RRM1: variants seen among roughly 807,000 people sequenced by gnomAD.
RRM1 encodes the protein ribonucleotide reductase catalytic subunit M1.
A neutral mutation model predicts 101.5 loss-of-function variants in RRM1; 19 were observed. The ratio of observed to expected loss-of-function variants is 0.19; its 90% CI spans 0.13 to 0.27. The LOEUF (loss-of-function observed/expected upper bound fraction) is 0.27, where lower values mean the gene tolerates loss of function less well. RRM1 is among the 10% of genes least tolerant of loss of function. RRM1 has a pLI of 1.00. For missense variants in RRM1, 500 were observed against 962.9 expected, an observed-to-expected ratio of 0.52 and a Z score of 6.36; for synonymous variants, 298 against 323.4, an observed-to-expected ratio of 0.92 and a Z score of 0.84.
intron 8 of RRM1, chr11:4,119,349 T>G: frequency 5.8e-6 from 1 of 172,778 alleles, no homozygotes; most frequent in Non-Finnish European, 1.2e-5. Flanking sequence ...GTCGTAGGAG[T>G]CTCTATTTTC....
intron 18 of RRM1, among the ~76,000 whole-genome samples, chr11:4,136,810 C>T (rs935003727): frequency 1.3e-5 from 2 of 151,420 alleles, no homozygotes; most frequent in African/African-American, 4.9e-5. Flanking sequence ...TTGGGTGTTT[C>T]TCACAGAGGG....
At chr11:4,114,956 G>A (rs371890742) in intron 7 of RRM1, among the ~76,000 whole-genome samples, 3 of 152,180 alleles carry the variant, frequency 2.0e-5, no homozygotes, top group South Asian at 2.1e-4. Context: ...TGAGTGATCC[G>A]TCTTCCTTGG....
At position 4,095,265 on chromosome 11, in the gene RRM1, C is replaced by T. The variant is rs189476413; in HGVS notation, c.19+234C>T. ...TCGGCTTTGTCATCCTGCCGCCTTT[C>T]AAAAGGATAACACTTACCCCGTATC... On this transcript the variant is annotated intron_variant, in intron 1 of 18. Transcript: ENST00000300738. Among the ~76,000 whole-genome samples, 9 of 152,374 alleles carry T rather than the reference C, an allele frequency of 5.9e-5. No individual in the cohort carries two copies. The East Asian group carries it at 1.5e-3, about 26-fold the overall frequency.
Position 4,116,682 on chromosome 11 carries a change from A to T in RRM1, c.651-1638A>T, listed in dbSNP as rs539442798. ...TGTTAACTATTGAGAGATTATAAGA[A>T]AAACAAGGCCAGGTGCAGTGGCTTC... On this transcript the variant is annotated intron_variant, in intron 7 of 18. Transcript: ENST00000300738. 9.2e-5 allele frequency among the ~76,000 whole-genome samples: 14 copies of T among 152,324 alleles called. No homozygotes were observed. The South Asian group carries it at 2.9e-3, about 32-fold the overall frequency.
chr11:4,121,798 T>A (rs2094582248), intron 10 of RRM1, 33 bp downstream of exon 10: 1 of 1,552,838 alleles, frequency 6.4e-7, no homozygotes, highest in East Asian at 2.3e-5. Flanking sequence ...TAATAGCAAC[T>A]TGATTCACAT....
chr11:4,127,297 G>A (rs1353337683), intron 14 of RRM1, 41 bp downstream of exon 14: 2 of 1,318,910 alleles, frequency 1.5e-6, no homozygotes, highest in Non-Finnish European at 2.1e-6. Flanking sequence ...GTGAGTACCT[G>A]TAGTGGGCTG....
chr11:4,115,507 CAAAAA>C (rs1217828429), intron 7 of RRM1, among the ~76,000 whole-genome samples: 1 of 105,230 alleles, frequency 9.5e-6, no homozygotes, highest in Non-Finnish European at 2.1e-5. Flanking sequence ...GGGAGCACTC[CAAAAA>C]AAAAAAAAAA....
At chr11:4,112,783 G>C (rs1362724520) in intron 7 of RRM1, among the ~76,000 whole-genome samples, 3 of 152,152 alleles carry the variant, frequency 2.0e-5, no homozygotes, top group Admixed American at 1.3e-4. Flanking sequence ...GGTGAAAGTA[G>C]AAATTGACAG....
rs1163290047 is a variant in RRM1, at chr11:4,124,924, T to TA, written c.1320+1540_1320+1541insA. 4.1e-3 allele frequency among the ~76,000 whole-genome samples: 514 copies of TA among 124,430 alleles called. 1 individual carries two copies. Among genetic ancestry groups the TA allele is most frequent in the African/African-American group, 0.012 (481 of 38,680 alleles). 81.6% of individuals were successfully genotyped at this position (124,430 alleles called of 152,430 possible). A position where few individuals can be genotyped will look rare whatever the true frequency, so the allele number is the denominator to read the frequency against. On this transcript the variant is annotated intron_variant, in intron 12 of 18. Coordinates refer to ENST00000300738, the MANE Select transcript of RRM1 (RefSeq NM_001033.5). Reference sequence around the variant, plus strand: ...ATTGTAGTATTTATTTATTTTATTTTTTTTTTTTTGAGACAGAGTCTTGCT... The same window carrying TA: ...ATTGTAGTATTTATTTATTTTATTTTATTTTTTTTTGAGACAGAGTCTTGCT...
intron 7 of RRM1, among the ~76,000 whole-genome samples, chr11:4,113,857 T>TG (rs2094568802): frequency 6.6e-6 from 1 of 152,214 alleles, no homozygotes; most frequent in South Asian, 2.1e-4. Flanking sequence ...CCAGGCGTGG[T>TG]GGCTCACGCC....
At position 4,094,893 on chromosome 11, in the gene RRM1, C is replaced by CT; in HGVS notation, c.-117dup. 1 of 1,068,700 alleles carries CT rather than the reference C, an allele frequency of 9.4e-7. No individual in the cohort carries two copies. The highest frequency in any genetic ancestry group is 1.4e-5 in the South Asian group (1 of 73,806). 66.2% of individuals were successfully genotyped at this position (1,068,700 alleles called of 1,614,324 possible). A position where few individuals can be genotyped will look rare whatever the true frequency, so the allele number is the denominator to read the frequency against. ...GTGCTGTCTGGCTCCAACTCCAGTTCTTTCCCCTGAGCAGCGCCTGGAACC... is the reference window on the plus strand; with the variant it reads ...GTGCTGTCTGGCTCCAACTCCAGTTCTTTTCCCCTGAGCAGCGCCTGGAACC... On this transcript the variant is annotated 5_prime_UTR_variant, in exon 1 of 19. Transcript: ENST00000300738.
intron 7 of RRM1, among the ~76,000 whole-genome samples, chr11:4,114,620 G>A (rs7930667): frequency 2.7e-4 from 41 of 151,384 alleles, no homozygotes; most frequent in African/African-American, 8.2e-4. Flanking sequence ...CAAACATTGT[G>A]CACACTAAAT....
rs149476630 is a variant in RRM1 at position 4,131,224 on chromosome 11, A to G, written c.1770-1062A>G. ...GAGTAAAGGGAGAAAAGCCCCTTAT[A>G]AAACCAGATCTTGTGAGAACTCACT... On this transcript the variant is annotated intron_variant, in intron 15 of 18. Coordinates refer to ENST00000300738, the MANE Select transcript of RRM1 (RefSeq NM_001033.5). Among the ~76,000 whole-genome samples the G allele has an allele frequency of 7.9e-3, 1,208 of 152,326 alleles. 9 individuals carry two copies. The highest frequency in any genetic ancestry group is 0.014 in the Non-Finnish European group (946 of 68,030).
At chr11:4,118,503 T>C (rs1337362553) in intron 8 of RRM1, 42 bp downstream of exon 8, 3 of 1,610,628 alleles carry the variant, frequency 1.9e-6, no homozygotes, top group Admixed American at 1.7e-5. Context: ...GATTCAAGTC[T>C]AAAAGCAAAC....
At chr11:4,122,341 T>C in intron 11 of RRM1, 121 bp downstream of exon 11, 1 of 702,796 alleles carries the variant, frequency 1.4e-6, no homozygotes, top group Non-Finnish European at 2.2e-6. Context: ...AAAAAGTGAC[T>C]AATAATTTTG....
At position 4,107,534 on chromosome 11, in the gene RRM1, A is replaced by T; in HGVS notation, c.386A>T (p.Asp129Val). 1 of 1,600,866 alleles carries T rather than the reference A, an allele frequency of 6.2e-7. No homozygotes were observed. The highest frequency in any genetic ancestry group is 8.6e-7 in the Non-Finnish European group (1 of 1,168,216). Residue 129 changes from aspartate to valine, a missense_variant and splice_region_variant, in exon 4 of 19, where the codon GAT (aspartate) becomes GTT (valine). Transcript: ENST00000300738. ...STLDIVLANKDRLNSAIIYDR... is the reference protein window; with the variant it reads ...STLDIVLANKVRLNSAIIYDR... ...TTGGATATTGTTCTGGCCAATAAAGATGTATGTATAACACTTATCTGGTGG... is the reference window on the plus strand; with the variant it reads ...TTGGATATTGTTCTGGCCAATAAAGTTGTATGTATAACACTTATCTGGTGG...
In RRM1 at chr11:4,094,951, C is replaced by T; in HGVS notation, c.-62C>T. ...TCCCACTCTGTCACCTTCTCGATCC[C>T]GCCGGCGCTTTAGAGCCGCAGTCCA... is the stretch of plus-strand genomic sequence containing the variant. On this transcript the variant is annotated 5_prime_UTR_variant, in exon 1 of 19. Transcript: ENST00000300738. 6.5e-7 allele frequency: 1 copy of T among 1,544,834 alleles called. No homozygotes were observed. The highest frequency in any genetic ancestry group is 8.8e-7 in the Non-Finnish European group (1 of 1,140,830).
At chr11:4,127,335 C>A in intron 14 of RRM1, 79 bp downstream of exon 14, 2 of 815,274 alleles carry the variant, frequency 2.5e-6, no homozygotes, top group Non-Finnish European at 3.6e-6. Flanking sequence ...AGGATATGTC[C>A]ACATCCTAAT....
At chr11:4,121,477 T>G (rs1451482824) in intron 9 of RRM1, 127 bp from the exon 10 acceptor site, 1 of 564,128 alleles carries the variant, frequency 1.8e-6, no homozygotes, top group East Asian at 3.2e-5. Context: ...TTTATAATAC[T>G]TTTATTTATG....
Sources: allele counts gnomAD v4.1 joint callset (sites outside exome capture counted in the v4.1 genomes callset), GRCh38; gene constraint gnomAD v4.1.1; transcripts MANE v1.5; gene names NCBI Gene and HGNC (gene_info 2026-07-23, HGNC 2026-07-21).